RASGRP4: variants seen among roughly 807,000 people sequenced by gnomAD.
RASGRP4 encodes the protein RAS guanyl-releasing protein 4.
RASGRP4 carries 52 observed loss-of-function variants against 84.4 expected under a neutral mutation model. That is an observed-to-expected ratio of 0.62 (90% CI 0.49 to 0.78). The LOEUF (loss-of-function observed/expected upper bound fraction) is 0.78, where lower values mean the gene tolerates loss of function less well. Among genes scored for constraint, RASGRP4 ranks in the 30% least tolerant of loss-of-function variants. RASGRP4 has a pLI of 0.00. For synonymous variants in RASGRP4, 356 were observed against 359.1 expected (o/e 0.99, Z 0.10); for missense variants, 760 against 886.9 (o/e 0.86, Z 1.82).
At chr19:38,416,882 T>G (rs1971523195) in intron 8 of RASGRP4, among the ~76,000 whole-genome samples, 170 bp downstream of exon 8, 1 of 152,090 alleles carries the variant, frequency 6.6e-6, no homozygotes, top group Admixed American at 6.5e-5. Flanking sequence ...AGTGGATGGA[T>G]GACAGGGAGG....
Position 38,410,104 on chromosome 19 carries a change from G to A in RASGRP4, c.1966-8C>T. The A allele has an allele frequency of 6.2e-7, 1 of 1,608,968 alleles. No homozygotes were observed. Among genetic ancestry groups the A allele is most frequent in the Admixed American group, 1.7e-5 (1 of 59,660 alleles). ...CATCACCGGGCAGGGGACCTGGAAG[G>A]AGGAAGGGAGGAAGAAAGATGACAG... On this transcript the variant is annotated splice_polypyrimidine_tract_variant and splice_region_variant and intron_variant, in intron 16 of 16. Coordinates refer to ENST00000615439, the MANE Select transcript of RASGRP4 (RefSeq NM_170604.3).
chr19:38,414,349 G>A (rs1470791872), intron 9 of RASGRP4, among the ~76,000 whole-genome samples: 4 of 143,268 alleles, frequency 2.8e-5, no homozygotes, highest in African/African-American at 8.8e-5. Context: ...AAGGAGTTTC[G>A]CTCTTCTTGC....
rs780745488 is a variant in RASGRP4, at chr19:38,415,073, G to A, written c.1005C>T (p.Arg335=). 1 of 1,602,728 alleles carries A rather than the reference G, an allele frequency of 6.2e-7. No homozygotes were observed. Among genetic ancestry groups the A allele is most frequent in the African/African-American group, 1.3e-5 (1 of 74,744 alleles). Reference sequence around the variant, plus strand: ...CGCAGCCAGCCCAGGTGCGGCGGTAGCGGGCGTAGTTGTTGTGGGAGGCAA... The same window carrying A: ...CGCAGCCAGCCCAGGTGCGGCGGTAACGGGCGTAGTTGTTGTGGGAGGCAA... ...ELLASHNNYA[R]YRRTWAGCAG... is the part of the protein sequence containing the mutation. Residue 335 remains arginine (R), a synonymous_variant, in exon 9 of 17, where the codon CGC becomes CGT. Coordinates refer to ENST00000615439, the MANE Select transcript of RASGRP4 (RefSeq NM_170604.3).
Position 38,418,572 on chromosome 19 carries a change from C to G in RASGRP4, c.664-8G>C. On this transcript the variant is annotated splice_region_variant and splice_polypyrimidine_tract_variant and intron_variant, in intron 6 of 16. Transcript: ENST00000615439. This position sits in a 1 kb window ranked among gnomAD's most constrained non-coding sequence, Gnocchi z 4.6. ...GCTCCGCAGGTCCTGGGGCTGGGAG[C>G]GAGGTGGGTGTCAAGGTGGGCCGTG... The G allele has an allele frequency of 1.3e-6, 2 of 1,504,216 alleles. No homozygotes were observed. The highest frequency in any genetic ancestry group is 4.4e-5 in the Admixed American group (2 of 45,030). The allele number at this position is 1,504,216 out of a possible 1,614,324, so 93.2% of individuals were successfully genotyped here. A position where few individuals can be genotyped will look rare whatever the true frequency, so the allele number is the denominator to read the frequency against.
In RASGRP4 at chr19:38,417,854, C is replaced by A. The variant is rs1971563245; in HGVS notation, c.837+537G>T. ...GAAGACACCAGAGGAAGGGCGTGGT[C>A]TGCGTGGAAATACGCAAGGGGGCGC... On this transcript the variant is annotated intron_variant, in intron 7 of 16. Transcript: ENST00000615439. This position sits in a 1 kb window ranked among gnomAD's most constrained non-coding sequence, Gnocchi z 5.1. Among the ~76,000 whole-genome samples, 1 of 152,108 alleles carries A rather than the reference C, an allele frequency of 6.6e-6. No homozygotes were observed. Among genetic ancestry groups the A allele is most frequent in the South Asian group, 2.1e-4 (1 of 4,832 alleles).
chr19:38,420,971 T>G lies in RASGRP4; in HGVS notation c.315-1A>C, dbSNP rs1207523895. On this transcript the variant is annotated splice_acceptor_variant, in intron 3 of 16. Transcript: ENST00000615439. LOFTEE classifies it high-confidence loss of function. ...GGTGTCCCCTGTGGCCTTCTGGTAT[T>G]TGAGTTCTGGTCAAGGCTCTGTTTT... 1 of 1,613,930 alleles carries G rather than the reference T, an allele frequency of 6.2e-7. No homozygotes were observed. Among genetic ancestry groups the G allele is most frequent in the Non-Finnish European group, 8.5e-7 (1 of 1,179,858 alleles).
chr19:38,420,062 T>C, intron 5 of RASGRP4, 49 bp from the exon 6 acceptor site: 3 of 1,609,250 alleles, frequency 1.9e-6, no homozygotes, highest in Non-Finnish European at 2.6e-6. Context: ...AGTTGAGGGC[T>C]TGGGGATATA....
rs186298477 is a variant in RASGRP4, at chr19:38,426,100, C to T, written c.-9G>A. 20 of 1,331,042 alleles carry T rather than the reference C, an allele frequency of 1.5e-5. No individual in the cohort carries two copies. The highest frequency in any genetic ancestry group is 1.4e-4 in the East Asian group (5 of 35,572). The allele number at this position is 1,331,042 out of a possible 1,614,324, so 82.5% of individuals were successfully genotyped here. On this transcript the variant is annotated 5_prime_UTR_variant, in exon 1 of 17. Coordinates refer to ENST00000615439, the MANE Select transcript of RASGRP4 (RefSeq NM_170604.3). ...CTGTCTTTTCTGTTCATGCTTCCCGCGTGGGGTGAGGAGGCCGGGGGTCTT... is the reference window on the plus strand; with the variant it reads ...CTGTCTTTTCTGTTCATGCTTCCCGTGTGGGGTGAGGAGGCCGGGGGTCTT...
Position 38,409,815 on chromosome 19 carries a change from C to T in RASGRP4, c.*225G>A, listed in dbSNP as rs1354084510. On this transcript the variant is annotated 3_prime_UTR_variant, in exon 17 of 17. Transcript: ENST00000615439. ...TAAATGTATCCAACACACAGCCGCA[C>T]AGATACTAAGTGCAGGGAAAGGGAG... The T allele has an allele frequency of 2.1e-6, 1 of 480,674 alleles. No individual in the cohort carries two copies. The highest frequency in any genetic ancestry group is 3.7e-5 in the East Asian group (1 of 27,170). 29.8% of individuals were successfully genotyped at this position (480,674 alleles called of 1,614,324 possible).
chr19:38,410,839 C>T (rs1191725035), intron 16 of RASGRP4, 47 bp downstream of exon 16: 12 of 1,364,654 alleles, frequency 8.8e-6, no homozygotes, highest in Admixed American at 2.0e-5. Context: ...ACGCCAATGG[C>T]CTGTGTCCCC....
intron 15 of RASGRP4, 43 bp downstream of exon 15, chr19:38,411,072 T>C (rs1477710091): frequency 6.2e-7 from 1 of 1,609,332 alleles, no homozygotes; most frequent in Non-Finnish European, 8.5e-7. Context: ...TCAACCCCTT[T>C]CCCCCAGGCC....
chr19:38,411,478 G>A, intron 13 of RASGRP4, 97 bp from the exon 14 acceptor site: 1 of 1,191,806 alleles, frequency 8.4e-7, no homozygotes, highest in East Asian at 2.6e-5. Context: ...AGCTACCCAG[G>A]TTTTGAAATT....
intron 1 of RASGRP4, among the ~76,000 whole-genome samples, chr19:38,422,505 G>T (rs1971803188): frequency 6.6e-6 from 1 of 152,146 alleles, no homozygotes; most frequent in Non-Finnish European, 1.5e-5. Flanking sequence ...ACCCCCGCCT[G>T]AGCTCCACCT....
chr19:38,419,925 A>G lies in RASGRP4; in HGVS notation c.598T>C (p.Leu200=), dbSNP rs1971664946. The part of the protein sequence containing the change: ...KRKVSLLFDH[L]ETGELAQHLT... ...TGCTGAGCCAGCTCCCCCGTCTCCA[A>G]GTGGTCGAAAAGCAAGGACACTTTG... The change falls in exon 6 of 17, where the codon TTG becomes CTG. Residue 200 remains leucine (L), a synonymous_variant. Coordinates refer to ENST00000615439, the MANE Select transcript of RASGRP4 (RefSeq NM_170604.3). 5 of 1,613,296 alleles carry G rather than the reference A, an allele frequency of 3.1e-6. No individual in the cohort carries two copies. The highest frequency in any genetic ancestry group is 4.2e-6 in the Non-Finnish European group (5 of 1,179,648).
chr19:38,414,684 A>G (rs1168619485), intron 9 of RASGRP4, among the ~76,000 whole-genome samples, 164 bp downstream of exon 9: 1 of 152,202 alleles, frequency 6.6e-6, no homozygotes, highest in African/African-American at 2.4e-5. Flanking sequence ...GGGTTCAGTG[A>G]CTTGCCCAAG....
rs780584876 is a variant in RASGRP4, at chr19:38,410,965, A to C, written c.1886T>G (p.Leu629Arg). ...AAGCTGGCACCCAGTCTCAGGCTCC[A>C]GGGATAGCGTGTAGGAGTGATTTTC... ...SEENHSYTLS[L>R]EPETGCQLRH... The change falls in exon 16 of 17, where the codon CTG (leucine) becomes CGG (arginine). Residue 629 changes from leucine (L) to arginine (R), a missense_variant. Coordinates refer to ENST00000615439, the MANE Select transcript of RASGRP4 (RefSeq NM_170604.3). 133 of 1,602,266 alleles carry C rather than the reference A, an allele frequency of 8.3e-5. No homozygotes were observed. The highest frequency in any genetic ancestry group is 1.1e-4 in the Non-Finnish European group (131 of 1,174,598).
At position 38,410,087 on chromosome 19, in the gene RASGRP4, G is replaced by A; in HGVS notation, c.1975C>T (p.Pro659Ser). 1 of 1,611,936 alleles carries A rather than the reference G, an allele frequency of 6.2e-7. No individual in the cohort carries two copies. The highest frequency in any genetic ancestry group is 1.1e-5 in the South Asian group (1 of 90,800). ...GCAGTTGATGGTGGGTCCATCACCG[G>A]GCAGGGGACCTGGAAGGAGGAAGGG... ...PSWETDTVPC[P>S]VMDPPSTASS... The change falls in exon 17 of 17, where the codon CCG becomes TCG. Residue 659 changes from proline to serine, a missense_variant. Transcript: ENST00000615439.
At chr19:38,414,195 G>C (rs984151380) in intron 9 of RASGRP4, among the ~76,000 whole-genome samples, 7 of 152,322 alleles carry the variant, frequency 4.6e-5, no homozygotes, top group Admixed American at 4.6e-4. Flanking sequence ...AAAGTGCTAG[G>C]ATTAGAGGCA....
chr19:38,419,841 G>C lies in RASGRP4; in HGVS notation c.663+19C>G. The C allele has an allele frequency of 6.4e-7, 1 of 1,570,674 alleles. No individual in the cohort carries two copies. Among genetic ancestry groups the C allele is most frequent in the Non-Finnish European group, 8.6e-7 (1 of 1,156,418 alleles). ...CAGTGTCTCCCCTGCTTGGGACGGG[G>C]ATGGGAGGGGGTCCTCACCGTGATA... On this transcript the variant is annotated intron_variant, in intron 6 of 16. Transcript: ENST00000615439.
Sources: gnomAD v4.1 joint callset for allele counts (sites outside exome capture counted in the v4.1 genomes callset) on GRCh38, gnomAD v4.1.1 for gene constraint, Gnocchi (gnomAD v3.1) non-coding constraint, MANE v1.5 for transcripts, NCBI Gene and HGNC (gene_info 2026-07-23, HGNC 2026-07-21) for gene names.